The following GRAMD1B variants were observed in gnomAD, a reference collection of about 807,000 sequenced individuals.
The protein encoded by GRAMD1B is protein Aster-B.
Under a neutral mutation model 99.7 loss-of-function variants are expected in GRAMD1B, and 37 were observed. That is an observed-to-expected ratio of 0.37 (90% CI 0.29 to 0.49). GRAMD1B has a LOEUF of 0.49. GRAMD1B is among the 20% of genes least tolerant of loss of function. The pLI, the probability that GRAMD1B is intolerant of heterozygous loss-of-function variation, is 0.98. For synonymous variants in GRAMD1B, 427 were observed against 387.6 expected (o/e 1.10, Z -1.19); for missense variants, 888 against 1,009.2 (o/e 0.88, Z 1.63).
At chr11:123,620,529 C>T (rs1954995473) in intron 19 of GRAMD1B, among the ~76,000 whole-genome samples, 1 of 150,014 alleles carries the variant, frequency 6.7e-6, no homozygotes, top group Non-Finnish European at 1.5e-5. Flanking sequence ...TATCAAGACC[C>T]AGTTGGATGT....
At position 123,613,571 on chromosome 11, in the gene GRAMD1B, C is replaced by T; in HGVS notation, c.2140C>T (p.Leu714=). ...GAGGAGGAAGCGTCCCCATGCCCAC[C>T]TGCGAGTCCCTCACCTGGAAGAGGT... The part of the protein sequence containing the change: ...VRRRKRPHAH[L]RVPHLEEVMS... Residue 714 remains leucine, a synonymous_variant, in exon 16 of 20, where the codon CTG becomes TTG. Transcript: ENST00000635736. 1 of 1,613,856 alleles carries T rather than the reference C, an allele frequency of 6.2e-7. No individual in the cohort carries two copies. Among genetic ancestry groups the T allele is most frequent in the Non-Finnish European group, 8.5e-7 (1 of 1,179,830 alleles).
Position 123,606,650 on chromosome 11 carries a change from C to T in GRAMD1B, c.1365C>T (p.Asp455=), listed in dbSNP as rs756933883. 2.4e-5 allele frequency: 38 copies of T among 1,612,672 alleles called. No individual in the cohort carries two copies. In the Admixed American group the frequency reaches 3.8e-4, roughly 16 times the overall value. Residue 455 remains aspartate (D), a synonymous_variant, in exon 11 of 20, where the codon GAC becomes GAT. Transcript: ENST00000635736. ...LPLEEEALEG[D]GSLEKELAID... ...TGGAGGAAGAGGCGCTGGAGGGAGA[C>T]GGGTCCCTGGAAAAGGAGCTCGCCA... is the stretch of plus-strand genomic sequence containing the variant.
At chr11:123,606,130 A>G (rs1356915534) in intron 10 of GRAMD1B, among the ~76,000 whole-genome samples, 6 of 152,230 alleles carry the variant, frequency 3.9e-5, no homozygotes, top group Non-Finnish European at 8.8e-5. Context: ...GAATGAAAAC[A>G]TTATTCATTG....
rs187125768 is a variant in GRAMD1B at position 123,537,020 on chromosome 11, T to C, written c.453-40347T>C. On this transcript the variant is annotated intron_variant, in intron 2 of 19. Transcript: ENST00000635736. ...TCTTTAGTGTACAAGACCTTTAATATTCTTCCTGAGTTTCCACTGGATTCT... is the reference window on the plus strand; with the variant it reads ...TCTTTAGTGTACAAGACCTTTAATACTCTTCCTGAGTTTCCACTGGATTCT... Among the ~76,000 whole-genome samples the C allele has an allele frequency of 2.2e-4, 34 of 152,352 alleles. No homozygotes were observed. The East Asian group carries it at 5.8e-3, about 26-fold the overall frequency.
intron 4 of GRAMD1B, among the ~76,000 whole-genome samples, chr11:123,585,090 G>C (rs1457830545): frequency 6.6e-6 from 1 of 152,236 alleles, no homozygotes; most frequent in East Asian, 1.9e-4. Context: ...GCTGACCTCA[G>C]ATGACCCTCT....
At chr11:123,583,791 T>A (rs1271571931) in intron 3 of GRAMD1B, among the ~76,000 whole-genome samples, 1 of 152,148 alleles carries the variant, frequency 6.6e-6, no homozygotes, top group Non-Finnish European at 1.5e-5. Context: ...GCAGTTTAGG[T>A]ACAGCCCATT....
chr11:123,569,884 C>T (rs186083331), intron 2 of GRAMD1B, among the ~76,000 whole-genome samples: 113 of 152,318 alleles, frequency 7.4e-4, no homozygotes, highest in African/African-American at 2.6e-3. Flanking sequence ...TGTGGGCCTT[C>T]GCGCCAATGG....
intron 2 of GRAMD1B, among the ~76,000 whole-genome samples, chr11:123,546,087 G>A (rs1487544570): frequency 6.6e-6 from 1 of 152,210 alleles, no homozygotes; most frequent in East Asian, 1.9e-4. Context: ...CTCTTTGGAT[G>A]GAATTGAAGG....
intron 2 of GRAMD1B, among the ~76,000 whole-genome samples, chr11:123,533,347 A>C (rs535504264): frequency 1.3e-5 from 2 of 152,310 alleles, no homozygotes; most frequent in African/African-American, 4.8e-5. Flanking sequence ...TAGGTACTGT[A>C]ATGGTAATGT....
At position 123,608,829 on chromosome 11, in the gene GRAMD1B, C is replaced by G. The variant is rs559869632; in HGVS notation, c.1657+27C>G. 260 of 1,384,200 alleles carry G rather than the reference C, an allele frequency of 1.9e-4. 4 individuals carry two copies. In the South Asian group the frequency reaches 3.3e-3, roughly 17 times the overall value. The allele number at this position is 1,384,200 out of a possible 1,614,324, so 85.7% of individuals were successfully genotyped here. A position where few individuals can be genotyped will look rare whatever the true frequency, so the allele number is the denominator to read the frequency against. ...TCCGTTCTGCTGGGACTGTACCCCC[C>G]ATTCCTCCCTCTTCATCCTCACTTC... On this transcript the variant is annotated intron_variant, in intron 12 of 19. Coordinates refer to ENST00000635736, the MANE Select transcript of GRAMD1B (RefSeq NM_001387025.1).
chr11:123,537,379 A>C (rs1231336986), intron 2 of GRAMD1B, among the ~76,000 whole-genome samples: 6 of 152,208 alleles, frequency 3.9e-5, no homozygotes, highest in African/African-American at 1.4e-4. Context: ...TTCTTATTGA[A>C]AGGTCATAGT....
At chr11:123,598,359 C>T in intron 7 of GRAMD1B, 1 of 1,091,902 alleles carries the variant, frequency 9.2e-7, no homozygotes, top group Non-Finnish European at 1.4e-6. Flanking sequence ...CTAACTCTCA[C>T]TGATTTGCTC....
chr11:123,478,552 T>G (rs906951073), intron 1 of GRAMD1B, among the ~76,000 whole-genome samples: 3 of 152,186 alleles, frequency 2.0e-5, no homozygotes, highest in Admixed American at 1.3e-4. Context: ...CCTTATTGGT[T>G]TTCCTTGTAG....
chr11:123,381,859 A>T (rs1246465055), intron 1 of GRAMD1B, among the ~76,000 whole-genome samples: 1 of 152,188 alleles, frequency 6.6e-6, no homozygotes, highest in Non-Finnish European at 1.5e-5. Flanking sequence ...AGCAAGAGTG[A>T]GGTGGCGACT....
At chr11:123,608,237 A>G (rs932229092) in intron 11 of GRAMD1B, 2 of 493,484 alleles carry the variant, frequency 4.1e-6, no homozygotes, top group Admixed American at 6.7e-5. Context: ...GAACAGACCT[A>G]TGCCATGGGT....
intron 2 of GRAMD1B, among the ~76,000 whole-genome samples, chr11:123,483,356 C>G (rs1951715198): frequency 6.6e-6 from 1 of 151,096 alleles, no homozygotes; most frequent in Admixed American, 6.6e-5. Flanking sequence ...AACTGATGAA[C>G]TGTTTATTTC....
Position 123,430,642 on chromosome 11 carries a change from C to T in GRAMD1B, c.-151C>T. On this transcript the variant is annotated 5_prime_UTR_variant, in exon 1 of 20. Transcript: ENST00000635736. Reference sequence around the variant, plus strand: ...CGCTACGCCGCGTCCCCTCGCGTCCCTTCCTCGCTGCGCTCCGGGAAAGGA... The same window carrying T: ...CGCTACGCCGCGTCCCCTCGCGTCCTTTCCTCGCTGCGCTCCGGGAAAGGA... 1 of 506,978 alleles carries T rather than the reference C, an allele frequency of 2.0e-6. No homozygotes were observed. The highest frequency in any genetic ancestry group is 3.5e-6 in the Non-Finnish European group (1 of 289,758). The allele number at this position is 506,978 out of a possible 1,614,324, so 31.4% of individuals were successfully genotyped here.
intron 2 of GRAMD1B, among the ~76,000 whole-genome samples, chr11:123,496,168 T>C (rs1055374409): frequency 1.3e-5 from 2 of 152,190 alleles, no homozygotes; most frequent in Admixed American, 1.3e-4. Flanking sequence ...CCCTCAGCTT[T>C]TGTTTGTCTG....
chr11:123,435,603 T>C (rs1949123050), intron 1 of GRAMD1B: 3 of 609,978 alleles, frequency 4.9e-6, no homozygotes, highest in Non-Finnish European at 5.9e-6. Context: ...ATCATGTTCA[T>C]CTTTGTATCG....
Sources: allele counts gnomAD v4.1 joint callset (sites outside exome capture counted in the v4.1 genomes callset), GRCh38; gene constraint gnomAD v4.1.1; transcripts MANE v1.5; gene names NCBI Gene and HGNC (gene_info 2026-07-23, HGNC 2026-07-21).